The following ZNF292 variants were observed in gnomAD, a reference collection of about 807,000 sequenced individuals.
ZNF292 encodes zinc finger protein 292.
Under a neutral mutation model 217.9 loss-of-function variants are expected in ZNF292, and 26 were observed. The ratio of observed to expected loss-of-function variants is 0.12; its 90% CI spans 0.09 to 0.17. The LOEUF (loss-of-function observed/expected upper bound fraction) is 0.17. Ranked by LOEUF, ZNF292 falls within the 10% of genes least tolerant of loss-of-function variation. The pLI is 1.00. For missense variants in ZNF292, 2,904 were observed against 3,175.2 expected, an observed-to-expected ratio of 0.91 and a Z score of 2.05; for synonymous variants, 1,257 against 1,124.1, an observed-to-expected ratio of 1.12 and a Z score of -2.37.
At position 87,218,581 on chromosome 6, in the gene ZNF292, A is replaced by G. The variant is rs1259121927; in HGVS notation, c.403-15A>G. ...ATCTGTTGTAATTCTTTGGATGTTT[A>G]TTTAATATTTATAGGTAGCTCATGA... On this transcript the variant is annotated splice_polypyrimidine_tract_variant and intron_variant, in intron 3 of 7. Coordinates refer to ENST00000369577, the MANE Select transcript of ZNF292 (RefSeq NM_015021.3). 6.6e-7 allele frequency: 1 copy of G among 1,517,904 alleles called. No individual in the cohort carries two copies. The highest frequency in any genetic ancestry group is 2.4e-5 in the Admixed American group (1 of 41,404). 94.0% of individuals were successfully genotyped at this position (1,517,904 alleles called of 1,614,324 possible). A position where few individuals can be genotyped will look rare whatever the true frequency, so the allele number is the denominator to read the frequency against.
intron 4 of ZNF292, among the ~76,000 whole-genome samples, chr6:87,232,064 A>G (rs1773683459): frequency 6.6e-6 from 1 of 152,168 alleles, no homozygotes; most frequent in Non-Finnish European, 1.5e-5. Context: ...CCAGAAACAT[A>G]TGCTTTATTT....
chr6:87,163,097 A>G (rs1770806035), intron 1 of ZNF292, among the ~76,000 whole-genome samples: 1 of 152,240 alleles, frequency 6.6e-6, no homozygotes, highest in South Asian at 2.1e-4. Context: ...TTACATTAAA[A>G]AAAGAAAGAC....
At position 87,261,358 on chromosome 6, in the gene ZNF292, C is replaced by T. The variant is rs1775587043; in HGVS notation, c.7729C>T (p.His2577Tyr). 6.2e-7 allele frequency: 1 copy of T among 1,613,302 alleles called. No individual in the cohort carries two copies. The highest frequency in any genetic ancestry group is 1.7e-5 in the Admixed American group (1 of 59,894). ...TGTTGCCATTCAAACCATTGAGGAGCATCCTGCATCTTTTGACTGGAGCTC... is the reference window on the plus strand; with the variant it reads ...TGTTGCCATTCAAACCATTGAGGAGTATCCTGCATCTTTTGACTGGAGCTC... ...TAVAIQTIEE[H>Y]PASFDWSSFK... is the part of the protein sequence containing the mutation. The change falls in exon 8 of 8, where the codon CAT (histidine) becomes TAT (tyrosine). Residue 2577 changes from histidine (H) to tyrosine (Y), a missense_variant. His to Tyr is a moderately conservative substitution (Grantham distance 83). Transcript: ENST00000369577.
chr6:87,175,721 A>T (rs560573589), intron 1 of ZNF292, among the ~76,000 whole-genome samples: 1 of 152,346 alleles, frequency 6.6e-6, no homozygotes, highest in Non-Finnish European at 1.5e-5. Context: ...CAGTTCAAAG[A>T]CTATTCATGT....
chr6:87,161,577 G>A (rs1220366590), intron 1 of ZNF292, among the ~76,000 whole-genome samples: 1 of 152,070 alleles, frequency 6.6e-6, no homozygotes, highest in African/African-American at 2.4e-5. Flanking sequence ...ACATCAACAT[G>A]CCTAACTTTA....
chr6:87,256,632 T>C lies in ZNF292; in HGVS notation c.3003T>C (p.Thr1001=), dbSNP rs1775231710. Residue 1001 remains threonine (T), a synonymous_variant, in exon 8 of 8, where the codon ACT becomes ACC. Transcript: ENST00000369577. Reference sequence around the variant, plus strand: ...ATTGCTTTAATGATGCCCATGTTACTCAGAATTCTTTAGTAAATTCAGAAA... The same window carrying C: ...ATTGCTTTAATGATGCCCATGTTACCCAGAATTCTTTAGTAAATTCAGAAA... ...EQDCFNDAHV[T]QNSLVNSETL... is the part of the protein sequence containing the mutation. The C allele has an allele frequency of 1.2e-6, 2 of 1,613,554 alleles. No individual in the cohort carries two copies. The highest frequency in any genetic ancestry group is 1.7e-6 in the Non-Finnish European group (2 of 1,179,852).
intron 1 of ZNF292, among the ~76,000 whole-genome samples, chr6:87,197,122 T>G (rs1771972335): frequency 6.6e-6 from 1 of 152,088 alleles, no homozygotes. Flanking sequence ...AACTGTAGAA[T>G]TTAATAGGCT....
At chr6:87,159,732 G>A (rs1346617334) in intron 1 of ZNF292, among the ~76,000 whole-genome samples, 1 of 151,824 alleles carries the variant, frequency 6.6e-6, no homozygotes, top group African/African-American at 2.4e-5. Context: ...GCCCCTCTTG[G>A]CCTCCCAAAG....
At chr6:87,180,844 A>G (rs1185828411) in intron 1 of ZNF292, among the ~76,000 whole-genome samples, 1 of 152,142 alleles carries the variant, frequency 6.6e-6, no homozygotes, top group Admixed American at 6.5e-5. Flanking sequence ...CAGAATTTTC[A>G]TTACACATTG....
Position 87,264,227 on chromosome 6 carries a change from T to C in ZNF292, c.*2426T>C, listed in dbSNP as rs998262336. On this transcript the variant is annotated 3_prime_UTR_variant, in exon 8 of 8. Transcript: ENST00000369577. ...TTCCCCAGCCTATTGTCTTGAGATATCTTCTACAGCCTAAATTTGCTAAAG... is the reference window on the plus strand; with the variant it reads ...TTCCCCAGCCTATTGTCTTGAGATACCTTCTACAGCCTAAATTTGCTAAAG... 1.3e-5 allele frequency: 2 copies of C among 152,208 alleles called. No individual in the cohort carries two copies. The highest frequency in any genetic ancestry group is 2.1e-4 in the South Asian group (1 of 4,836). 9.4% of individuals were successfully genotyped at this position (152,208 alleles called of 1,614,324 possible). A position where few individuals can be genotyped will look rare whatever the true frequency, so the allele number is the denominator to read the frequency against.
At chr6:87,244,012 G>A (rs947001345) in intron 6 of ZNF292, among the ~76,000 whole-genome samples, 1 of 151,758 alleles carries the variant, frequency 6.6e-6, no homozygotes, top group Non-Finnish European at 1.5e-5. Context: ...CAGAGATCTT[G>A]GTTTCAGTTA....
chr6:87,160,160 G>A (rs1190697609), intron 1 of ZNF292, among the ~76,000 whole-genome samples: 5 of 152,186 alleles, frequency 3.3e-5, no homozygotes, highest in African/African-American at 4.8e-5. Flanking sequence ...ACAGATAATC[G>A]TAGTAAACTA....
chr6:87,243,553 G>C lies in ZNF292; in HGVS notation c.820G>C (p.Val274Leu), dbSNP rs1316573364. The change falls in exon 6 of 8, where the codon GTT (valine) becomes CTT (leucine). Residue 274 changes from valine to leucine, a missense_variant. Around this residue, in one of 15 missense-constraint regions of ZNF292, gnomAD observed 313 missense variants for 451.0 expected, o/e 0.69. Coordinates refer to ENST00000369577, the MANE Select transcript of ZNF292 (RefSeq NM_015021.3). ...TGAGGGTGATGAAAAAAGCGCTCTT[G>C]TTTTATGTACTGCGTTTTTGTCACG... Reference protein sequence around the residue: ...ESEGDEKSALVLCTAFLSRQL... With the variant: ...ESEGDEKSALLLCTAFLSRQL... 1 of 1,560,030 alleles carries C rather than the reference G, an allele frequency of 6.4e-7. No homozygotes were observed. Among genetic ancestry groups the C allele is most frequent in the Non-Finnish European group, 8.7e-7 (1 of 1,150,894 alleles).
chr6:87,167,379 G>T (rs1303601003), intron 1 of ZNF292, among the ~76,000 whole-genome samples: 7 of 152,200 alleles, frequency 4.6e-5, no homozygotes, highest in Non-Finnish European at 7.3e-5. Flanking sequence ...AGTGGCTCAT[G>T]CCTGTAATCT....
chr6:87,219,915 T>G (rs1174977603), intron 4 of ZNF292, among the ~76,000 whole-genome samples: 1 of 152,198 alleles, frequency 6.6e-6, no homozygotes, highest in Non-Finnish European at 1.5e-5. Flanking sequence ...GCAGCCTCAC[T>G]TCCAGACTCA....
intron 7 of ZNF292, among the ~76,000 whole-genome samples, chr6:87,251,059 G>C (rs1031317717): frequency 1.3e-5 from 2 of 152,192 alleles, no homozygotes; most frequent in Non-Finnish European, 2.9e-5. Context: ...AATGGCTAAA[G>C]AGGGAGGAGA....
At chr6:87,222,688 A>C (rs1773144217) in intron 4 of ZNF292, 1 of 384,148 alleles carries the variant, frequency 2.6e-6, no homozygotes, top group Non-Finnish European at 5.3e-6. Context: ...TTAATAAACT[A>C]ATATTTATAC....
chr6:87,227,801 C>T (rs1295218811), intron 4 of ZNF292, among the ~76,000 whole-genome samples: 1 of 152,066 alleles, frequency 6.6e-6, no homozygotes, highest in African/African-American at 2.4e-5. Context: ...AATAATATTC[C>T]ATTATATGTT....
intron 1 of ZNF292, among the ~76,000 whole-genome samples, chr6:87,189,477 C>T (rs1771765627): frequency 6.6e-6 from 1 of 151,886 alleles, no homozygotes; most frequent in Non-Finnish European, 1.5e-5. Flanking sequence ...TCCAGAATCC[C>T]ATCTAGGATA....
Sources: allele counts gnomAD v4.1 joint callset (sites outside exome capture counted in the v4.1 genomes callset), GRCh38; gene constraint gnomAD v4.1.1; regional missense constraint gnomAD v4.1.1; transcripts MANE v1.5; gene names NCBI Gene and HGNC (gene_info 2026-07-23, HGNC 2026-07-21).